The following CANX variants were observed in gnomAD, a reference collection of about 807,000 sequenced individuals.
The protein encoded by CANX is calnexin.
Under a neutral mutation model 75.7 loss-of-function variants are expected in CANX, and 14 were observed. The ratio of observed to expected loss-of-function variants is 0.19; its 90% CI spans 0.12 to 0.29. CANX has a LOEUF of 0.29. Among genes scored for constraint, CANX ranks in the 10% least tolerant of loss-of-function variants. CANX has a pLI of 1.00. For missense variants in CANX, 567 were observed against 713.2 expected (o/e 0.79, Z 2.34); for synonymous variants, 227 against 236.9 (o/e 0.96, Z 0.38).
In CANX at chr5:179,730,294, GTTT is replaced by G. The variant is rs745562437; in HGVS notation, c.*1651_*1653del. ...GTATCTATTTTTTTTTCTTTTTAAAGTTTGTTCACTTAAATTCTTTTGAGGATG... is the reference window on the plus strand; with the variant it reads ...GTATCTATTTTTTTTTCTTTTTAAAGGTTCACTTAAATTCTTTTGAGGATG... On this transcript the variant is annotated 3_prime_UTR_variant, in exon 15 of 15. Transcript: ENST00000247461. The G allele has an allele frequency of 0.28, 42,460 of 151,882 alleles. 6,204 individuals carry two copies. Among genetic ancestry groups the G allele is most frequent in the Non-Finnish European group, 0.34 (22,842 of 67,770 alleles). The allele number at this position is 151,882 out of a possible 1,614,324, so 9.4% of individuals were successfully genotyped here. A position where few individuals can be genotyped will look rare whatever the true frequency, so the allele number is the denominator to read the frequency against.
intron 7 of CANX, 38 bp downstream of exon 7, chr5:179,710,103 C>T: frequency 1.7e-6 from 2 of 1,156,360 alleles, no homozygotes; most frequent in Non-Finnish European, 2.5e-6. Flanking sequence ...TATGGTATTA[C>T]ATATATATCA....
chr5:179,682,080 G>A (rs1275786184), intron 1 of CANX, among the ~76,000 whole-genome samples: 7 of 151,632 alleles, frequency 4.6e-5, no homozygotes, highest in East Asian at 1.9e-4. Flanking sequence ...GTGAAACTCC[G>A]TGTCTACTAA....
chr5:179,691,761 T>C (rs77358055), intron 1 of CANX, among the ~76,000 whole-genome samples: 2,991 of 152,082 alleles, frequency 0.02, 83 homozygotes, highest in African/African-American at 0.066. Flanking sequence ...CTCTTCTTTA[T>C]TATTTATTTT....
chr5:179,692,641 C>T (rs1309802045), intron 1 of CANX, among the ~76,000 whole-genome samples: 1 of 152,086 alleles, frequency 6.6e-6, no homozygotes, highest in African/African-American at 2.4e-5. Context: ...TATCCACCTA[C>T]CTCAGCCTCC....
chr5:179,698,636 C>T, upstream of CANX: 6 of 1,244,848 alleles, frequency 4.8e-6, no homozygotes, highest in Non-Finnish European at 6.3e-6. Flanking sequence ...TTGGAACGCC[C>T]CGAAGGCACC....
chr5:179,696,353 G>A (rs1259534569), upstream of CANX, among the ~76,000 whole-genome samples: 13 of 129,826 alleles, frequency 1.0e-4, no homozygotes, highest in Admixed American at 1.3e-3. Flanking sequence ...TTGGCTCACT[G>A]CAACCTCTGC....
rs1778153319 is a variant in CANX, at chr5:179,719,186, A to G, written c.912-482A>G. On this transcript the variant is annotated intron_variant, in intron 8 of 14. Coordinates refer to ENST00000247461, the MANE Select transcript of CANX (RefSeq NM_001746.4). ...TAACTAACTTTTTGAGAAACTGCCA[A>G]ACTGTTTTCCAAATGAGCAGTACCA... Among the ~76,000 whole-genome samples the G allele has an allele frequency of 2.0e-5, 3 of 152,194 alleles. No individual in the cohort carries two copies. The South Asian group carries it at 6.2e-4, about 32-fold the overall frequency.
At chr5:179,694,492 C>T (rs888390321), upstream of CANX, 13 of 749,516 alleles carry the variant, frequency 1.7e-5, no homozygotes, top group Admixed American at 1.6e-4. Flanking sequence ...TTCCTGTTCT[C>T]TTCGGAAATC....
intron 8 of CANX, among the ~76,000 whole-genome samples, chr5:179,717,243 A>G (rs1256906058): frequency 1.3e-5 from 2 of 152,200 alleles, no homozygotes; most frequent in African/African-American, 2.4e-5. Flanking sequence ...GTACTGCACT[A>G]GTATAAATGC....
chr5:179,706,145 G>A (rs186614138), intron 2 of CANX, 113 bp from the exon 3 acceptor site: 98 of 652,090 alleles, frequency 1.5e-4, no homozygotes, highest in Non-Finnish European at 1.5e-4. Context: ...GAATTTGAAG[G>A]CCAGCTATGA....
chr5:179,719,912 C>T, intron 9 of CANX, 131 bp downstream of exon 9: 1 of 608,618 alleles, frequency 1.6e-6, no homozygotes, highest in South Asian at 2.1e-5. Flanking sequence ...ACTTTCACCT[C>T]CTGGGTTCAA....
intron 13 of CANX, among the ~76,000 whole-genome samples, chr5:179,725,676 G>A (rs1778608065): frequency 1.1e-5 from 1 of 95,086 alleles, no homozygotes; most frequent in Non-Finnish European, 2.0e-5. Flanking sequence ...GCAAGACTCT[G>A]TCTCAAAAAA....
chr5:179,694,651 T>C (rs1435543331), upstream of CANX: 50 of 793,608 alleles, frequency 6.3e-5, no homozygotes, highest in Non-Finnish European at 1.1e-4. Context: ...GAGAAGGATG[T>C]TGCTGATTCT....
chr5:179,692,922 G>A (rs897480624), intron 1 of CANX, among the ~76,000 whole-genome samples: 9 of 151,986 alleles, frequency 5.9e-5, no homozygotes, highest in Admixed American at 1.3e-4. Context: ...CAAGGCGGGT[G>A]GATCACGAGG....
At chr5:179,698,527 C>T (rs1562450567), upstream of CANX, 4 of 1,289,334 alleles carry the variant, frequency 3.1e-6, no homozygotes, top group African/African-American at 3.0e-5. Flanking sequence ...ACTCCTACCC[C>T]TTTTGCCGGC....
Position 179,685,658 on chromosome 5 carries a change from G to C in CANX, c.-4+6881G>C, listed in dbSNP as rs71613413. 7.4e-5 allele frequency among the ~76,000 whole-genome samples: 11 copies of C among 149,066 alleles called. 1 individual carries two copies. Among genetic ancestry groups the C allele is most frequent in the East Asian group, 6.0e-4 (3 of 4,986 alleles). ...AAACCTCTGCCTGCTGGGTTCAAGA[G>C]ATACTCCTGCCTCAGCCTCCCAAGT... On this transcript the variant is annotated intron_variant, in intron 1 of 14. Transcript: ENST00000681674.
chr5:179,709,058 TG>T lies in CANX; in HGVS notation c.528+1del. The part of the protein sequence containing the change: ...KLLSKTPELN[L>X]DQFHDKTPYT... ...CTTTCTAAAACACCAGAACTCAACC[TG>T]GTATGTAATTCCCATTTCTGGAATG... is the stretch of plus-strand genomic sequence containing the variant. On this transcript the variant is annotated frameshift_variant and splice_region_variant, in exon 6 of 15. Coordinates refer to ENST00000247461, the MANE Select transcript of CANX (RefSeq NM_001746.4). LOFTEE classifies it high-confidence loss of function. 6.5e-7 allele frequency: 1 copy of T among 1,541,546 alleles called. No homozygotes were observed. Among genetic ancestry groups the T allele is most frequent in the Non-Finnish European group, 9.0e-7 (1 of 1,113,688 alleles).
At chr5:179,719,431 T>C (rs1370950275) in intron 8 of CANX, among the ~76,000 whole-genome samples, 1 of 152,242 alleles carries the variant, frequency 6.6e-6, no homozygotes, top group African/African-American at 2.4e-5. Context: ...TTTGGAGAAA[T>C]GTCTATTAAA....
chr5:179,725,879 T>G (rs190873059), intron 13 of CANX, among the ~76,000 whole-genome samples: 200 of 150,900 alleles, frequency 1.3e-3, no homozygotes, highest in African/African-American at 4.8e-3. Flanking sequence ...TCCCACCTAT[T>G]CGGGAGGCTG....
Sources: gnomAD v4.1 joint callset for allele counts (sites outside exome capture counted in the v4.1 genomes callset) on GRCh38, gnomAD v4.1.1 for gene constraint, MANE v1.5 for transcripts, NCBI Gene and HGNC (gene_info 2026-07-23, HGNC 2026-07-21) for gene names.